NOS2: variants seen among roughly 807,000 people sequenced by gnomAD.
The protein encoded by NOS2 is nitric oxide synthase, inducible.
Under a neutral mutation model 136.0 loss-of-function variants are expected in NOS2, and 96 were observed. That is an observed-to-expected ratio of 0.71 (90% confidence interval 0.60 to 0.84). The LOEUF is 0.84. NOS2 is among the 40% of genes least tolerant of loss of function. NOS2 has a pLI of 0.00. For synonymous variants in NOS2, 539 were observed against 587.5 expected, an observed-to-expected ratio of 0.92 and a Z score of 1.20; for missense variants, 1,237 against 1,496.9, an observed-to-expected ratio of 0.83 and a Z score of 2.87.
At position 27,782,069 on chromosome 17, in the gene NOS2, A is replaced by G. The variant is rs201476803; in HGVS notation, c.668T>C (p.Met223Thr). 1 of 1,614,126 alleles carries G rather than the reference A, an allele frequency of 6.2e-7. No individual in the cohort carries two copies. The highest frequency in any genetic ancestry group is 8.5e-7 in the Non-Finnish European group (1 of 1,180,020). Reference sequence around the variant, plus strand: ...CACGTGTCTGCAGATGTGTTCAAACATTTCCCGGGCAGTGGAACAGCTGCG... The same window carrying G: ...CACGTGTCTGCAGATGTGTTCAAACGTTTCCCGGGCAGTGGAACAGCTGCG... ...DARSCSTARE[M>T]FEHICRHVRY... The change falls in exon 7 of 27, where the codon ATG (methionine) becomes ACG (threonine). Residue 223 changes from methionine (M) to threonine (T), a missense_variant. Transcript: ENST00000313735.
chr17:27,780,775 T>G lies in NOS2; in HGVS notation c.996A>C (p.Glu332Asp). The change falls in exon 9 of 27, where the codon GAA (glutamate) becomes GAC (aspartate). Residue 332 changes from glutamate (E) to aspartate (D), a missense_variant. By Grantham distance (45) the Glu-to-Asp change is conservative. This residue lies in a region of NOS2 where 440 missense variants were observed against 545.4 expected (regional missense o/e 0.81). Transcript: ENST00000313735. ...PPDLVLEVAM[E>D]HPKYEWFREL... ...ACCCTCAGCCTACTTACTTGGGATG[T>G]TCCATGGCCACCTCAAGCACAAGGT... The G allele has an allele frequency of 6.2e-7, 1 of 1,614,210 alleles. No homozygotes were observed. Among genetic ancestry groups the G allele is most frequent in the Non-Finnish European group, 8.5e-7 (1 of 1,180,022 alleles).
In NOS2 at chr17:27,762,927, C is replaced by T; in HGVS notation, c.2671G>A (p.Val891Met). The T allele has an allele frequency of 6.2e-7, 1 of 1,604,754 alleles. No homozygotes were observed. The highest frequency in any genetic ancestry group is 1.3e-5 in the African/African-American group (1 of 74,648). Residue 891 changes from valine (V) to methionine (M), a missense_variant, in exon 22 of 27, where the codon GTG becomes ATG. By Grantham distance (21) the Val-to-Met change is conservative. Coordinates refer to ENST00000313735, the MANE Select transcript of NOS2 (RefSeq NM_000625.4). ...EVLEEFPSLR[V>M]SAGFLLSQLP... ...TGGGAAAGCAGGAAGCCAGCAGACA[C>T]CCGCAGGGACGGGAACTCCTCTAGC...
At chr17:27,764,430 T>C (rs938025760) in intron 20 of NOS2, among the ~76,000 whole-genome samples, 37 of 152,222 alleles carry the variant, frequency 2.4e-4, no homozygotes, top group Non-Finnish European at 4.3e-4. Flanking sequence ...AGACACTCAC[T>C]GGTGATCTAC....
intron 26 of NOS2, 87 bp from the exon 27 acceptor site, chr17:27,757,440 T>C (rs949224655): frequency 1.7e-5 from 17 of 1,013,164 alleles, no homozygotes; most frequent in South Asian, 5.7e-5. Context: ...ACATGGACCT[T>C]CATGAGCCAT....
intron 13 of NOS2, among the ~76,000 whole-genome samples, chr17:27,772,762 C>T (rs1278051372): frequency 2.0e-5 from 3 of 152,082 alleles, no homozygotes; most frequent in Admixed American, 1.3e-4. Flanking sequence ...AGGCTGGGTG[C>T]CGTGGCTCAC....
chr17:27,772,432 A>G lies in NOS2; in HGVS notation c.1580T>C (p.Met527Thr). 1 of 1,614,050 alleles carries G rather than the reference A, an allele frequency of 6.2e-7. No individual in the cohort carries two copies. Among genetic ancestry groups the G allele is most frequent in the Non-Finnish European group, 8.5e-7 (1 of 1,180,036 alleles). The change falls in exon 14 of 27, where the codon ATG (methionine) becomes ACG (threonine). Residue 527 changes from methionine (M) to threonine (T), a missense_variant. By Grantham distance (81) the Met-to-Thr change is moderately conservative. Coordinates refer to ENST00000313735, the MANE Select transcript of NOS2 (RefSeq NM_000625.4). ...VLVKAVLFAC[M>T]LMRKTMASRV... ...GGACGCCATTGTCTTGCGCATCAGC[A>G]TACAGGCAAAGAGCACAGCTCTGTG...
intron 21 of NOS2, 96 bp downstream of exon 21, chr17:27,763,885 G>A: frequency 1.0e-6 from 1 of 990,912 alleles, no homozygotes; most frequent in Non-Finnish European, 1.5e-6. Flanking sequence ...ACCTGGTGTG[G>A]ATCCCTCTTG....
At position 27,785,791 on chromosome 17, in the gene NOS2, C is replaced by T. The variant is rs7222398; in HGVS notation, c.467+1887G>A. ...TGGGCAACATAGTGAGACCCTGTCT[C>T]TACTAAAAATTTAAAAAATTAGCTA... On this transcript the variant is annotated intron_variant, in intron 5 of 26. Transcript: ENST00000313735. Among the ~76,000 whole-genome samples, 135 of 151,592 alleles carry T rather than the reference C, an allele frequency of 8.9e-4. 2 individuals carry two copies. The Middle Eastern group carries it at 0.014, about 15-fold the overall frequency.
At chr17:27,759,917 C>T in intron 25 of NOS2, 113 bp downstream of exon 25, 2 of 1,023,150 alleles carry the variant, frequency 2.0e-6, no homozygotes, top group East Asian at 5.5e-5. Flanking sequence ...GAATTACCAG[C>T]ATTTTCGAGC....
intron 16 of NOS2, 123 bp from the exon 17 acceptor site, chr17:27,769,274 G>T: frequency 1.9e-6 from 2 of 1,034,076 alleles, no homozygotes; most frequent in Non-Finnish European, 2.8e-6. Flanking sequence ...GAATGGAGCT[G>T]GACCCCCTTC....
At chr17:27,757,379 G>A (rs761276290) in intron 26 of NOS2, 26 bp from the exon 27 acceptor site, 14 of 1,606,068 alleles carry the variant, frequency 8.7e-6, no homozygotes, top group Admixed American at 5.0e-5. Context: ...AGAGAGCAAC[G>A]TGTCAAGTCC....
chr17:27,782,068 C>T lies in NOS2; in HGVS notation c.669G>A (p.Met223Ile). The change falls in exon 7 of 27, where the codon ATG becomes ATA. Residue 223 changes from methionine (M) to isoleucine (I), a missense_variant. By Grantham distance (10) the Met-to-Ile change is conservative (BLOSUM62 1). Transcript: ENST00000313735. ...GCACGTGTCTGCAGATGTGTTCAAA[C>T]ATTTCCCGGGCAGTGGAACAGCTGC... The part of the protein sequence containing the change: ...DARSCSTARE[M>I]FEHICRHVRY... 6.2e-7 allele frequency: 1 copy of T among 1,614,198 alleles called. No homozygotes were observed. Among genetic ancestry groups the T allele is most frequent in the Non-Finnish European group, 8.5e-7 (1 of 1,180,040 alleles).
At position 27,788,796 on chromosome 17, in the gene NOS2, G is replaced by T. The variant is rs200530399; in HGVS notation, c.318+13C>A. 5.2e-5 allele frequency: 83 copies of T among 1,610,034 alleles called. No individual in the cohort carries two copies. The highest frequency in any genetic ancestry group is 5.5e-5 in the Non-Finnish European group (65 of 1,177,260). Reference sequence around the variant, plus strand: ...TGGGACAAAGGTGGTTCTCCCTGAAGCCCCAGACTTACCCCTTTGGCCTTA... The same window carrying T: ...TGGGACAAAGGTGGTTCTCCCTGAATCCCCAGACTTACCCCTTTGGCCTTA... On this transcript the variant is annotated intron_variant, in intron 4 of 26. Coordinates refer to ENST00000313735, the MANE Select transcript of NOS2 (RefSeq NM_000625.4).
intron 11 of NOS2, among the ~76,000 whole-genome samples, chr17:27,776,267 G>C (rs1435546174): frequency 6.6e-6 from 1 of 152,192 alleles, no homozygotes; most frequent in African/African-American, 2.4e-5. Context: ...ACATACATAA[G>C]TTATATATGT....
intron 9 of NOS2, among the ~76,000 whole-genome samples, chr17:27,780,509 C>G (rs1908807266): frequency 2.0e-5 from 3 of 152,192 alleles, no homozygotes; most frequent in Non-Finnish European, 4.4e-5. Context: ...GCTTCTCAAG[C>G]TCCTGGGGCC....
chr17:27,760,194 G>T lies in NOS2; in HGVS notation c.3011-16C>A, dbSNP rs777374984. On this transcript the variant is annotated splice_polypyrimidine_tract_variant and intron_variant, in intron 24 of 26. Transcript: ENST00000313735. The stretch of plus-strand genomic sequence containing the variant: ...CCCCGCACTCCTGCAGGAGTCCCGG[G>T]CTGTTGTTACCATGTTGGCCACCAG... 1 of 1,537,538 alleles carries T rather than the reference G, an allele frequency of 6.5e-7. No individual in the cohort carries two copies. Among genetic ancestry groups the T allele is most frequent in the Non-Finnish European group, 8.7e-7 (1 of 1,145,434 alleles).
At chr17:27,788,300 A>G (rs1715229159) in intron 4 of NOS2, among the ~76,000 whole-genome samples, 1 of 152,088 alleles carries the variant, frequency 6.6e-6, no homozygotes, top group African/African-American at 2.4e-5. Flanking sequence ...TGGTCCTGAA[A>G]TTGTCCATTC....
intron 1 of NOS2, 23 bp downstream of exon 1, chr17:27,800,316 C>T (rs201714198): frequency 1.3e-5 from 2 of 152,336 alleles, no homozygotes; most frequent in South Asian, 4.1e-4. Flanking sequence ...ACAGCCGCTT[C>T]CCCAGAAATG....
At position 27,766,531 on chromosome 17, in the gene NOS2, T is replaced by G; in HGVS notation, c.2225A>C (p.Asn742Thr). The part of the protein sequence containing the change: ...VFTMRLKSRQ[N>T]LQSPTSSRAT... ...TTACCTGGATGTCGGACTTTGTAGA[T>G]TCTGCCGAGATTTGAGCCTCATGGT... is the stretch of plus-strand genomic sequence containing the variant. Residue 742 changes from asparagine (N) to threonine (T), a missense_variant, in exon 19 of 27, where the codon AAT (asparagine) becomes ACT (threonine). This residue lies in a region of NOS2 where 782 missense variants were observed against 909.9 expected (regional missense o/e 0.86). Transcript: ENST00000313735. The G allele has an allele frequency of 3.7e-6, 6 of 1,614,154 alleles. No homozygotes were observed. In the South Asian group the frequency reaches 6.6e-5, roughly 18 times the overall value.
Sources: gnomAD v4.1 joint callset for allele counts (sites outside exome capture counted in the v4.1 genomes callset) on GRCh38, gnomAD v4.1.1 for gene constraint, gnomAD v4.1.1 regional missense constraint, MANE v1.5 for transcripts, NCBI Gene and HGNC (gene_info 2026-07-23, HGNC 2026-07-21) for gene names.